ST6GALNAC3: variants seen among roughly 807,000 people sequenced by gnomAD.
ST6GALNAC3 encodes the protein ST6 N-acetylgalactosaminide alpha-2,6-sialyltransferase 3.
A neutral mutation model predicts 32.7 loss-of-function variants in ST6GALNAC3; 25 were observed. That is an observed-to-expected ratio of 0.76 (90% CI 0.56 to 1.07). The LOEUF is 1.07. Ranked by LOEUF, ST6GALNAC3 falls within the 50% of genes least tolerant of loss-of-function variation. The pLI, the probability that ST6GALNAC3 is intolerant of heterozygous loss-of-function variation, is 0.00. For synonymous variants in ST6GALNAC3, 129 were observed against 133.1 expected (o/e 0.97, Z 0.21); for missense variants, 355 against 382.4 (o/e 0.93, Z 0.60).
intron 3 of ST6GALNAC3, among the ~76,000 whole-genome samples, chr1:76,470,877 T>C (rs1658980800): frequency 6.6e-6 from 1 of 152,088 alleles, no homozygotes; most frequent in Admixed American, 6.6e-5. Context: ...AAATTGGATG[T>C]TGTAGGCACA....
At chr1:76,082,554 C>A (rs1184888485) in intron 1 of ST6GALNAC3, among the ~76,000 whole-genome samples, 1 of 152,208 alleles carries the variant, frequency 6.6e-6, no homozygotes, top group Non-Finnish European at 1.5e-5. Context: ...TCTGCGCTTT[C>A]TCTATTGCTG....
At chr1:76,256,003 A>C (rs1657897419) in intron 1 of ST6GALNAC3, among the ~76,000 whole-genome samples, 1 of 138,108 alleles carries the variant, frequency 7.2e-6, no homozygotes, top group Admixed American at 7.1e-5. Flanking sequence ...TTTTCAAAAG[A>C]CTGTCAGTGG....
chr1:76,542,422 C>T (rs982314323), intron 3 of ST6GALNAC3, among the ~76,000 whole-genome samples: 4 of 152,118 alleles, frequency 2.6e-5, no homozygotes, highest in African/African-American at 4.8e-5. Flanking sequence ...ATGAAGCCTG[C>T]TATGGAATTA....
At position 76,189,219 on chromosome 1, in the gene ST6GALNAC3, G is replaced by A. The variant is rs773624876; in HGVS notation, c.18+114335G>A. On this transcript the variant is annotated intron_variant, in intron 1 of 4. Transcript: ENST00000328299. ...ACAGGCAAGGGTGCCTATCTGCTGG[G>A]AGAAAATGCTTTGTGTGCTCATATT... Among the ~76,000 whole-genome samples, 4 of 152,204 alleles carry A rather than the reference G, an allele frequency of 2.6e-5. 1 individual carries two copies. The highest frequency in any genetic ancestry group is 7.2e-5 in the African/African-American group (3 of 41,468).
chr1:76,574,591 T>C (rs765788101), intron 3 of ST6GALNAC3, among the ~76,000 whole-genome samples: 1 of 152,046 alleles, frequency 6.6e-6, no homozygotes, highest in Non-Finnish European at 1.5e-5. Context: ...ATCTTCCTTA[T>C]ATTAATCTGA....
At chr1:76,607,232 C>T (rs1438513773) in intron 3 of ST6GALNAC3, among the ~76,000 whole-genome samples, 1 of 152,170 alleles carries the variant, frequency 6.6e-6, no homozygotes. Flanking sequence ...TATGCCCTCT[C>T]CGGGTCCACC....
chr1:76,379,186 G>T (rs1248453721), intron 2 of ST6GALNAC3, among the ~76,000 whole-genome samples: 2 of 152,192 alleles, frequency 1.3e-5, no homozygotes, highest in African/African-American at 2.4e-5. Flanking sequence ...GTGAGCCACC[G>T]GGCTCGGCCA....
At chr1:76,525,771 T>TTGTGTGTGTG (rs1167452856) in intron 3 of ST6GALNAC3, among the ~76,000 whole-genome samples, 1 of 93,104 alleles carries the variant, frequency 1.1e-5, no homozygotes, top group Non-Finnish European at 2.3e-5. Context: ...GTATGTGTGT[T>TTGTGTGTGTG]TGTGTGTGTG....
chr1:76,166,390 T>G (rs1245379496), intron 1 of ST6GALNAC3, among the ~76,000 whole-genome samples: 1 of 152,192 alleles, frequency 6.6e-6, no homozygotes, highest in Non-Finnish European at 1.5e-5. Context: ...CTATGCTGTT[T>G]GGTTACTGTA....
At chr1:76,456,051 A>G (rs1657760293) in intron 3 of ST6GALNAC3, among the ~76,000 whole-genome samples, 1 of 152,144 alleles carries the variant, frequency 6.6e-6, no homozygotes, top group African/African-American at 2.4e-5. Flanking sequence ...CTGCACCTGT[A>G]GTCCCAGCTA....
chr1:76,208,805 A>G (rs190164029), intron 1 of ST6GALNAC3, among the ~76,000 whole-genome samples: 38 of 152,242 alleles, frequency 2.5e-4, no homozygotes, highest in Admixed American at 1.4e-3. Context: ...TTTCATACTA[A>G]ACGTTCTCTC....
At chr1:76,507,765 G>T (rs1661570068) in intron 3 of ST6GALNAC3, among the ~76,000 whole-genome samples, 1 of 152,134 alleles carries the variant, frequency 6.6e-6, no homozygotes, top group Admixed American at 6.5e-5. Context: ...TGTGGACACA[G>T]GTTTTCCTTT....
chr1:76,309,398 T>G (rs12135053), intron 1 of ST6GALNAC3, among the ~76,000 whole-genome samples: 28,436 of 152,048 alleles, frequency 0.19, 3,008 homozygotes, highest in African/African-American at 0.28. Context: ...ATCATGCATA[T>G]TAGTACTTTG....
chr1:76,100,170 A>G (rs1438793862), intron 1 of ST6GALNAC3, among the ~76,000 whole-genome samples: 1 of 152,108 alleles, frequency 6.6e-6, no homozygotes. Flanking sequence ...TACATCCACA[A>G]TCATATCATT....
At chr1:76,214,725 A>G (rs1655360864) in intron 1 of ST6GALNAC3, among the ~76,000 whole-genome samples, 1 of 152,242 alleles carries the variant, frequency 6.6e-6, no homozygotes, top group African/African-American at 2.4e-5. Flanking sequence ...TAAAATTGAT[A>G]TAGTCAGTTT....
At chr1:76,469,062 A>T (rs1317666547) in intron 3 of ST6GALNAC3, among the ~76,000 whole-genome samples, 1 of 152,132 alleles carries the variant, frequency 6.6e-6, no homozygotes, top group Non-Finnish European at 1.5e-5. Flanking sequence ...TAGCTGGATT[A>T]AAATAATGTT....
chr1:76,267,790 T>A (rs1658617910), intron 1 of ST6GALNAC3, among the ~76,000 whole-genome samples: 1 of 152,240 alleles, frequency 6.6e-6, no homozygotes. Flanking sequence ...TGATATTCTG[T>A]AAATCCTCCC....
At chr1:76,573,303 G>A (rs1016932988) in intron 3 of ST6GALNAC3, among the ~76,000 whole-genome samples, 3 of 152,082 alleles carry the variant, frequency 2.0e-5, no homozygotes, top group South Asian at 2.1e-4. Context: ...ATATAAACCT[G>A]CTGACAGGCC....
chr1:76,452,913 C>T (rs567929657), intron 3 of ST6GALNAC3, among the ~76,000 whole-genome samples: 1 of 152,146 alleles, frequency 6.6e-6, no homozygotes, highest in South Asian at 2.1e-4. Flanking sequence ...TGGTCCTGGA[C>T]TCTATTTTGT....
Sources: allele counts gnomAD v4.1 joint callset (sites outside exome capture counted in the v4.1 genomes callset), GRCh38; gene constraint gnomAD v4.1.1; transcripts MANE v1.5; gene names NCBI Gene and HGNC (gene_info 2026-07-23, HGNC 2026-07-21).